The following CNTNAP5 variants were observed in gnomAD, a reference collection of about 807,000 sequenced individuals.
CNTNAP5 encodes the protein contactin-associated protein-like 5.
Under a neutral mutation model 150.2 loss-of-function variants are expected in CNTNAP5, and 72 were observed. The ratio of observed to expected loss-of-function variants is 0.48; its 90% CI spans 0.40 to 0.58. The LOEUF is 0.58. Among genes scored for constraint, CNTNAP5 ranks in the 20% least tolerant of loss-of-function variants. The pLI, the probability that CNTNAP5 is intolerant of heterozygous loss-of-function variation, is 0.00. For missense variants in CNTNAP5, 1,636 were observed against 1,626.2 expected, an observed-to-expected ratio of 1.01 and a Z score of -0.10; for synonymous variants, 672 against 619.8, an observed-to-expected ratio of 1.08 and a Z score of -1.25.
chr2:124,038,867 C>G (rs565130498), intron 1 of CNTNAP5, among the ~76,000 whole-genome samples: 3 of 152,118 alleles, frequency 2.0e-5, no homozygotes, highest in Non-Finnish European at 4.4e-5. Context: ...GGATGGAATC[C>G]CACCTCAGTC....
intron 3 of CNTNAP5, among the ~76,000 whole-genome samples, chr2:124,352,664 AT>A (rs1410156536): frequency 6.6e-6 from 1 of 152,124 alleles, no homozygotes; most frequent in African/African-American, 2.4e-5. Context: ...GTTTTGCCTC[AT>A]TTTTTTTAGC....
At chr2:124,705,494 C>A (rs1679615954) in intron 13 of CNTNAP5, among the ~76,000 whole-genome samples, 1 of 151,918 alleles carries the variant, frequency 6.6e-6, no homozygotes, top group Admixed American at 6.6e-5. Flanking sequence ...TACCACTGCA[C>A]TACAGCCTGA....
In CNTNAP5 at chr2:124,678,366, T is replaced by G. The variant is rs183803485; in HGVS notation, c.2077+30408T>G. On this transcript the variant is annotated intron_variant, in intron 13 of 23. Transcript: ENST00000682447. Reference sequence around the variant, plus strand: ...CAATTACTGGGTGTCTTAAGCGGCATTTCAGGACGTTCCTGTCTACATAGG... The same window carrying G: ...CAATTACTGGGTGTCTTAAGCGGCAGTTCAGGACGTTCCTGTCTACATAGG... Among the ~76,000 whole-genome samples the G allele has an allele frequency of 1.1e-4, 17 of 151,910 alleles. No homozygotes were observed. The East Asian group carries it at 3.3e-3, about 29-fold the overall frequency.
At position 124,803,331 on chromosome 2, in the gene CNTNAP5, G is replaced by A. The variant is rs529533961; in HGVS notation, c.3217+5011G>A. Among the ~76,000 whole-genome samples, 18 of 152,106 alleles carry A rather than the reference G, an allele frequency of 1.2e-4. 1 individual carries two copies. Among genetic ancestry groups the A allele is most frequent in the Admixed American group, 5.9e-4 (9 of 15,278 alleles). ...TCCAGCAGACATTATATTTTTTCAC[G>A]AAAATAAAGATTATTTTTGATTGTT... On this transcript the variant is annotated intron_variant, in intron 19 of 23. Coordinates refer to ENST00000682447, the MANE Select transcript of CNTNAP5 (RefSeq NM_001367498.1).
At chr2:124,560,105 G>A (rs1695854233) in intron 10 of CNTNAP5, among the ~76,000 whole-genome samples, 1 of 152,134 alleles carries the variant, frequency 6.6e-6, no homozygotes. Context: ...AGGTCTGTGT[G>A]AGGCATATTA....
intron 11 of CNTNAP5, among the ~76,000 whole-genome samples, chr2:124,585,020 CT>C (rs2104952940): frequency 6.6e-6 from 1 of 152,318 alleles, no homozygotes; most frequent in East Asian, 1.9e-4. Flanking sequence ...TTAGCAGGCT[CT>C]TTCCCCAGAA....
chr2:124,233,911 C>T (rs187444450), intron 2 of CNTNAP5, among the ~76,000 whole-genome samples: 1 of 152,036 alleles, frequency 6.6e-6, no homozygotes, highest in Admixed American at 6.6e-5. Context: ...AACTCAAAAA[C>T]ACCAGAATTC....
chr2:124,856,982 G>A (rs1420100537), intron 19 of CNTNAP5, among the ~76,000 whole-genome samples: 1 of 152,126 alleles, frequency 6.6e-6, no homozygotes, highest in Non-Finnish European at 1.5e-5. Context: ...TGGCTCATGG[G>A]GCTCACAGGA....
intron 1 of CNTNAP5, among the ~76,000 whole-genome samples, chr2:124,094,264 A>G (rs889728335): frequency 2.0e-5 from 3 of 152,174 alleles, no homozygotes; most frequent in Non-Finnish European, 4.4e-5. Context: ...AAATAGGAGG[A>G]ACTTTGAAAT....
At chr2:124,133,589 T>C (rs1477700975) in intron 1 of CNTNAP5, among the ~76,000 whole-genome samples, 1 of 152,180 alleles carries the variant, frequency 6.6e-6, no homozygotes, top group Non-Finnish European at 1.5e-5. Context: ...TGTGAAGCCT[T>C]TGCCAACACC....
At chr2:124,556,117 G>A (rs1344209827) in intron 10 of CNTNAP5, among the ~76,000 whole-genome samples, 1 of 152,166 alleles carries the variant, frequency 6.6e-6, no homozygotes, top group Admixed American at 6.5e-5. Context: ...GTAGGCTTAG[G>A]TATCACTTTT....
chr2:124,902,935 G>T lies in CNTNAP5; in HGVS notation c.3490G>T (p.Gly1164Ter). ...VAKANAMGFA[G>*]CMSSVQYNHI... Reference sequence around the variant, plus strand: ...TAAAGCAAATGCCATGGGTTTTGCTGGATGCATGTCTTCCGTCCAGTACAA... The same window carrying T: ...TAAAGCAAATGCCATGGGTTTTGCTTGATGCATGTCTTCCGTCCAGTACAA... Residue 1164 changes from glycine to a stop codon, truncating the protein, a stop_gained, in exon 22 of 24, where the codon GGA becomes TGA. Transcript: ENST00000682447. LOFTEE classifies it high-confidence loss of function. 6.2e-7 allele frequency: 1 copy of T among 1,612,822 alleles called. No individual in the cohort carries two copies.
At chr2:124,383,048 T>C (rs1250543487) in intron 3 of CNTNAP5, among the ~76,000 whole-genome samples, 2 of 152,186 alleles carry the variant, frequency 1.3e-5, no homozygotes, top group African/African-American at 2.4e-5. Flanking sequence ...TGCTACCTTC[T>C]GCATATACAC....
At chr2:124,797,311 G>A (rs1022378155) in intron 18 of CNTNAP5, among the ~76,000 whole-genome samples, 1 of 152,140 alleles carries the variant, frequency 6.6e-6, no homozygotes, top group Admixed American at 6.5e-5. Flanking sequence ...AAGGAGGCTG[G>A]GTGATTTACA....
At chr2:124,826,426 TG>T (rs1307666216) in intron 19 of CNTNAP5, among the ~76,000 whole-genome samples, 6 of 151,890 alleles carry the variant, frequency 4.0e-5, no homozygotes, top group Non-Finnish European at 5.9e-5. Flanking sequence ...AGAGAGAAGG[TG>T]GGGAATTAGA....
intron 1 of CNTNAP5, among the ~76,000 whole-genome samples, chr2:124,097,371 C>T (rs1682959992): frequency 6.6e-6 from 1 of 152,198 alleles, no homozygotes; most frequent in South Asian, 2.1e-4. Flanking sequence ...TAATCGTCCT[C>T]TCAACCTCTA....
intron 21 of CNTNAP5, among the ~76,000 whole-genome samples, chr2:124,897,549 G>C (rs1276871005): frequency 6.6e-6 from 1 of 151,554 alleles, no homozygotes; most frequent in Non-Finnish European, 1.5e-5. Context: ...GTCTGAGCAA[G>C]TTAGCTCAGA....
chr2:124,026,074 C>T (rs578081009), intron 1 of CNTNAP5, among the ~76,000 whole-genome samples: 252 of 152,338 alleles, frequency 1.7e-3, no homozygotes, highest in Non-Finnish European at 2.7e-3. Context: ...ACAGAATGCA[C>T]TGGGAGCTGA....
At chr2:124,810,894 C>T (rs1187083256) in intron 19 of CNTNAP5, among the ~76,000 whole-genome samples, 1 of 152,092 alleles carries the variant, frequency 6.6e-6, no homozygotes, top group African/African-American at 2.4e-5. Context: ...TGCGGCAAAA[C>T]ATCTGTAAAA....
Sources: allele counts gnomAD v4.1 joint callset (sites outside exome capture counted in the v4.1 genomes callset), GRCh38; gene constraint gnomAD v4.1.1; transcripts MANE v1.5; gene names NCBI Gene and HGNC (gene_info 2026-07-23, HGNC 2026-07-21).